Variants in SLCO3A1 observed in about 807,000 individuals in gnomAD.
SLCO3A1 encodes solute carrier organic anion transporter family member 3A1.
SLCO3A1 carries 27 observed loss-of-function variants against 63.1 expected under a neutral mutation model. The ratio of observed to expected loss-of-function variants is 0.43; its 90% CI spans 0.32 to 0.59. SLCO3A1 has a LOEUF of 0.59. Ranked by LOEUF, SLCO3A1 falls within the 20% of genes least tolerant of loss-of-function variation. The pLI is 0.09. For synonymous variants in SLCO3A1, 473 were observed against 409.9 expected, an observed-to-expected ratio of 1.15 and a Z score of -1.86; for missense variants, 773 against 945.8, an observed-to-expected ratio of 0.82 and a Z score of 2.40.
At chr15:92,079,560 C>A (rs961435093) in intron 2 of SLCO3A1, among the ~76,000 whole-genome samples, 4 of 152,202 alleles carry the variant, frequency 2.6e-5, no homozygotes, top group Non-Finnish European at 4.4e-5. Flanking sequence ...AGATTAGGGC[C>A]CATCTAAGGG....
rs139210389 is a variant in SLCO3A1 at position 91,940,795 on chromosome 15, T to G, written c.646+24337T>G. The stretch of plus-strand genomic sequence containing the variant: ...CCCCCTTTCTATGGGGAGATGTGAG[T>G]GAGTGAGTGGTGAATGAGCGAATAT... On this transcript the variant is annotated intron_variant, in intron 2 of 9. Coordinates refer to ENST00000318445, the MANE Select transcript of SLCO3A1 (RefSeq NM_013272.4). Among the ~76,000 whole-genome samples the G allele has an allele frequency of 4.0e-4, 61 of 152,052 alleles. No homozygotes were observed. The East Asian group carries it at 8.5e-3, about 21-fold the overall frequency.
chr15:92,105,618 G>A lies in SLCO3A1; in HGVS notation c.1009+1076G>A, dbSNP rs143479537. On this transcript the variant is annotated intron_variant, in intron 4 of 9. Transcript: ENST00000318445. Reference sequence around the variant, plus strand: ...CTGGCAGTCTCAGAAGCTGCTCGGCGACTATCAGGCGAGGTATGTGTGAGG... The same window carrying A: ...CTGGCAGTCTCAGAAGCTGCTCGGCAACTATCAGGCGAGGTATGTGTGAGG... Among the ~76,000 whole-genome samples the A allele has an allele frequency of 5.7e-3, 869 of 152,266 alleles. 7 individuals are homozygous for A. Among genetic ancestry groups the A allele is most frequent in the African/African-American group, 0.02 (826 of 41,546 alleles).
In SLCO3A1 at chr15:92,163,155, CT is replaced by C; in HGVS notation, c.*21del. 1 of 1,493,104 alleles carries C rather than the reference CT, an allele frequency of 6.7e-7. No homozygotes were observed. The highest frequency in any genetic ancestry group is 8.9e-7 in the Non-Finnish European group (1 of 1,124,352). 92.5% of individuals were successfully genotyped at this position (1,493,104 alleles called of 1,614,324 possible). A position where few individuals can be genotyped will look rare whatever the true frequency, so the allele number is the denominator to read the frequency against. Reference sequence around the variant, plus strand: ...TTATAGTGACTAAAGGAGGGCTGAACTCTGTATTAGTAATCCAAGGGTCATT... The same window carrying C: ...TTATAGTGACTAAAGGAGGGCTGAACCTGTATTAGTAATCCAAGGGTCATT... On this transcript the variant is annotated 3_prime_UTR_variant, in exon 10 of 10. Transcript: ENST00000318445.
rs1165963661 is a variant in SLCO3A1 at position 91,886,601 on chromosome 15, A to T, written c.181-29392A>T. On this transcript the variant is annotated intron_variant, in intron 1 of 9. Transcript: ENST00000318445. The surrounding 1 kb of genome is among the most constrained non-coding windows in gnomAD (Gnocchi z 4.9). Reference sequence around the variant, plus strand: ...TGTTTCTACGGTGTGACCATATTTGATGTGCTTACTGATTCCTAAGTCACC... The same window carrying T: ...TGTTTCTACGGTGTGACCATATTTGTTGTGCTTACTGATTCCTAAGTCACC... Among the ~76,000 whole-genome samples, 1 of 152,166 alleles carries T rather than the reference A, an allele frequency of 6.6e-6. No individual in the cohort carries two copies. The highest frequency in any genetic ancestry group is 1.5e-5 in the Non-Finnish European group (1 of 68,036).
At chr15:92,095,910 G>C (rs1305726246) in intron 3 of SLCO3A1, among the ~76,000 whole-genome samples, 1 of 152,178 alleles carries the variant, frequency 6.6e-6, no homozygotes, top group Non-Finnish European at 1.5e-5. Flanking sequence ...ATGACATACA[G>C]TGTTTCCCCT....
At position 92,138,883 on chromosome 15, in the gene SLCO3A1, A is replaced by G. The variant is rs1301474587; in HGVS notation, c.1513-8101A>G. Among the ~76,000 whole-genome samples the G allele has an allele frequency of 9.4e-5, 9 of 95,830 alleles. No homozygotes were observed. In the East Asian group the frequency reaches 9.4e-4, roughly 10 times the overall value. The allele number at this position is 95,830 out of a possible 152,430, so 62.9% of individuals were successfully genotyped here. A position where few individuals can be genotyped will look rare whatever the true frequency, so the allele number is the denominator to read the frequency against. ...GCTTAAGGAGATTTTGGGCTGAGACAATGGGGTTTTCTAGATATACAATCA... is the reference window on the plus strand; with the variant it reads ...GCTTAAGGAGATTTTGGGCTGAGACGATGGGGTTTTCTAGATATACAATCA... On this transcript the variant is annotated intron_variant, in intron 7 of 9. Coordinates refer to ENST00000318445, the MANE Select transcript of SLCO3A1 (RefSeq NM_013272.4).
chr15:91,921,896 CT>C (rs963749090), intron 2 of SLCO3A1, among the ~76,000 whole-genome samples: 12 of 148,064 alleles, frequency 8.1e-5, no homozygotes, highest in South Asian at 2.2e-4. Context: ...CACCCGGTTA[CT>C]TTTTTTTTTG....
rs1897151639 is a variant in SLCO3A1 at position 91,865,812 on chromosome 15, A to G, written c.180+11724A>G. On this transcript the variant is annotated intron_variant, in intron 1 of 9. Coordinates refer to ENST00000318445, the MANE Select transcript of SLCO3A1 (RefSeq NM_013272.4). The surrounding 1 kb of genome is among the most constrained non-coding windows in gnomAD (Gnocchi z 4.6). ...AAATTAGGTCACATTCACAGGCACT[A>G]AGAGTTAGGACTTCAGTTTATCTTT... Among the ~76,000 whole-genome samples, 2 of 152,344 alleles carry G rather than the reference A, an allele frequency of 1.3e-5. No individual in the cohort carries two copies. Among genetic ancestry groups the G allele is most frequent in the African/African-American group, 2.4e-5 (1 of 41,588 alleles).
Position 92,122,512 on chromosome 15 carries a change from G to A in SLCO3A1, c.1174+1883G>A, listed in dbSNP as rs114507574. Among the ~76,000 whole-genome samples the A allele has an allele frequency of 6.0e-3, 914 of 152,342 alleles. 6 individuals are homozygous for A. Among genetic ancestry groups the A allele is most frequent in the African/African-American group, 0.02 (847 of 41,568 alleles). On this transcript the variant is annotated intron_variant, in intron 5 of 9. Transcript: ENST00000318445. The stretch of plus-strand genomic sequence containing the variant: ...CAGACTGATAGAACCAAGTGTTGGG[G>A]AGGATGTGGAGCCACTGGAACTCGC...
intron 1 of SLCO3A1, among the ~76,000 whole-genome samples, chr15:91,864,701 A>G (rs888332676): frequency 1.3e-5 from 2 of 152,218 alleles, no homozygotes; most frequent in Non-Finnish European, 2.9e-5. Flanking sequence ...ACCCAAGGCT[A>G]TCAGGGGAAC....
chr15:92,011,719 G>A (rs929578375), intron 2 of SLCO3A1, among the ~76,000 whole-genome samples: 3 of 152,246 alleles, frequency 2.0e-5, no homozygotes, highest in Admixed American at 1.3e-4. Flanking sequence ...GCTAGGGCAA[G>A]GGCTCAGCTT....
intron 2 of SLCO3A1, among the ~76,000 whole-genome samples, chr15:91,930,807 C>A (rs564425460): frequency 1.1e-5 from 1 of 93,568 alleles, no homozygotes; most frequent in East Asian, 3.1e-4. Flanking sequence ...AAAACAACCC[C>A]TGAGTTAGTT....
chr15:91,983,259 G>A (rs1270939001), intron 2 of SLCO3A1, among the ~76,000 whole-genome samples: 1 of 152,180 alleles, frequency 6.6e-6, no homozygotes, highest in African/African-American at 2.4e-5. Context: ...ACTTTATAAA[G>A]GCTGTTCCAA....
chr15:91,970,439 G>C (rs1419406814), intron 2 of SLCO3A1, among the ~76,000 whole-genome samples: 1 of 152,186 alleles, frequency 6.6e-6, no homozygotes, highest in Non-Finnish European at 1.5e-5. Flanking sequence ...GGGGTGGGCA[G>C]AGTTGTGGAG....
intron 2 of SLCO3A1, among the ~76,000 whole-genome samples, chr15:91,990,734 A>G (rs529890855): frequency 2.0e-5 from 3 of 151,958 alleles, no homozygotes; most frequent in Non-Finnish European, 2.9e-5. Context: ...TGGACATACC[A>G]TGATCAGACC....
At chr15:92,001,063 T>C (rs894034007) in intron 2 of SLCO3A1, among the ~76,000 whole-genome samples, 1 of 152,180 alleles carries the variant, frequency 6.6e-6, no homozygotes, top group South Asian at 2.1e-4. Context: ...TCTCCCCAGC[T>C]TGCATACCTC....
intron 1 of SLCO3A1, among the ~76,000 whole-genome samples, chr15:91,896,020 G>T (rs958322091): frequency 1.3e-5 from 2 of 152,132 alleles, no homozygotes; most frequent in African/African-American, 4.8e-5. Context: ...TTGTCATTTT[G>T]CTCCTCTAAA....
chr15:91,858,429 G>T (rs1567159389), intron 1 of SLCO3A1, among the ~76,000 whole-genome samples: 1 of 151,840 alleles, frequency 6.6e-6, no homozygotes, highest in Non-Finnish European at 1.5e-5. Flanking sequence ...TAATTATTAA[G>T]GGAAAAAGGT....
intron 2 of SLCO3A1, among the ~76,000 whole-genome samples, chr15:92,068,455 G>A (rs965218103): frequency 1.3e-5 from 2 of 152,020 alleles, no homozygotes; most frequent in Non-Finnish European, 2.9e-5. Context: ...TTCATTCATA[G>A]CCCAACCACA....
Sources: gnomAD v4.1 joint callset for allele counts (sites outside exome capture counted in the v4.1 genomes callset) on GRCh38, gnomAD v4.1.1 for gene constraint, Gnocchi (gnomAD v3.1) non-coding constraint, MANE v1.5 for transcripts, NCBI Gene and HGNC (gene_info 2026-07-23, HGNC 2026-07-21) for gene names.